CAMTA1: variants seen among roughly 807,000 people sequenced by gnomAD.
The protein encoded by CAMTA1 is calmodulin binding transcription activator 1.
A neutral mutation model predicts 170.9 loss-of-function variants in CAMTA1; 27 were observed. That is an observed-to-expected ratio of 0.16 (90% CI 0.12 to 0.22). The LOEUF (loss-of-function observed/expected upper bound fraction) is 0.22, where lower values mean the gene tolerates loss of function less well. Among genes scored for constraint, CAMTA1 ranks in the 10% least tolerant of loss-of-function variants. The pLI is 1.00. For synonymous variants in CAMTA1, 833 were observed against 891.5 expected (o/e 0.93, Z 1.17); for missense variants, 1,619 against 2,217.2 (o/e 0.73, Z 5.42).
intron 3 of CAMTA1, among the ~76,000 whole-genome samples, chr1:6,997,261 T>C (rs180801474): frequency 1.3e-5 from 2 of 151,630 alleles, no homozygotes; most frequent in African/African-American, 4.8e-5. Flanking sequence ...GTTTTTTGCT[T>C]TGTGTGTGTG....
intron 5 of CAMTA1, among the ~76,000 whole-genome samples, chr1:7,308,710 C>A (rs1675983730): frequency 1.3e-5 from 2 of 152,024 alleles, no homozygotes; most frequent in Admixed American, 6.6e-5. Flanking sequence ...GATTTCAATT[C>A]TTTTAGTTAT....
intron 3 of CAMTA1, among the ~76,000 whole-genome samples, chr1:6,880,407 T>TTTTTA (rs1671227843): frequency 3.1e-5 from 4 of 127,820 alleles, no homozygotes; most frequent in African/African-American, 6.0e-5. Context: ...TTTTTTTTTT[T>TTTTTA]GAGACAGGGT....
At position 7,262,297 on chromosome 1, in the gene CAMTA1, C is replaced by G. The variant is rs553783317; in HGVS notation, c.438+12671C>G. On this transcript the variant is annotated intron_variant, in intron 5 of 22. Coordinates refer to ENST00000303635, the MANE Select transcript of CAMTA1 (RefSeq NM_015215.4). ...CTTAAATGGGCCGGGCGCGGTGGCT[C>G]ACGTCTGTAATCCCAGCACTTTGGG... Among the ~76,000 whole-genome samples the G allele has an allele frequency of 2.0e-5, 3 of 152,208 alleles. No homozygotes were observed. The East Asian group carries it at 5.8e-4, about 29-fold the overall frequency.
chr1:7,058,578 A>T (rs1322569939), intron 3 of CAMTA1, among the ~76,000 whole-genome samples: 1 of 152,094 alleles, frequency 6.6e-6, no homozygotes, highest in Non-Finnish European at 1.5e-5. Context: ...TGAACAAGTG[A>T]TGTTTAATGA....
chr1:7,678,583 G>A (rs570715859), intron 11 of CAMTA1, among the ~76,000 whole-genome samples: 1 of 152,314 alleles, frequency 6.6e-6, no homozygotes, highest in South Asian at 2.1e-4. Flanking sequence ...TTTCCCACCT[G>A]GGCACACGTC....
intron 3 of CAMTA1, chr1:6,874,494 C>G (rs1669283639): frequency 6.6e-6 from 1 of 152,262 alleles, no homozygotes; most frequent in Non-Finnish European, 1.5e-5. Context: ...GGCTGATCCT[C>G]ACACCCAGAA....
At chr1:7,310,610 T>C in intron 5 of CAMTA1, among the ~76,000 whole-genome samples, 1 of 2,802 alleles carries the variant, frequency 3.6e-4, no homozygotes, top group Admixed American at 5.1e-3. Flanking sequence ...TTTTCTTTCT[T>C]TCTTTCTTTC....
At chr1:7,197,822 G>A (rs752314219) in intron 4 of CAMTA1, among the ~76,000 whole-genome samples, 1 of 152,034 alleles carries the variant, frequency 6.6e-6, no homozygotes, top group Non-Finnish European at 1.5e-5. Context: ...TTGCAGAGTG[G>A]TCTTCAAATC....
At position 7,661,669 on chromosome 1, in the gene CAMTA1, C is replaced by T; in HGVS notation, c.665-57C>T. On this transcript the variant is annotated intron_variant, in intron 7 of 22. Coordinates refer to ENST00000303635, the MANE Select transcript of CAMTA1 (RefSeq NM_015215.4). ...GCCTGGGTCCTACCCCTTGGCCCCACCCAGGTCCCCTCTGCACCCACGGGC... is the reference window on the plus strand; with the variant it reads ...GCCTGGGTCCTACCCCTTGGCCCCATCCAGGTCCCCTCTGCACCCACGGGC... 3.1e-6 allele frequency: 5 copies of T among 1,603,678 alleles called. No individual in the cohort carries two copies. In the Admixed American group the frequency reaches 8.4e-5, roughly 27 times the overall value.
At chr1:6,852,181 T>A (rs936329891) in intron 3 of CAMTA1, among the ~76,000 whole-genome samples, 1 of 152,198 alleles carries the variant, frequency 6.6e-6, no homozygotes, top group Non-Finnish European at 1.5e-5. Context: ...ACTAGAATGT[T>A]ATACCCTTCA....
chr1:7,519,466 C>A lies in CAMTA1; in HGVS notation c.510+51565C>A, dbSNP rs562297715. ...AGCCCAGGATCCCTTTGGAGGCATTCAAGGAGCCTTGGAGATGCAGGCAGG... is the reference window on the plus strand; with the variant it reads ...AGCCCAGGATCCCTTTGGAGGCATTAAAGGAGCCTTGGAGATGCAGGCAGG... On this transcript the variant is annotated intron_variant, in intron 6 of 22. Transcript: ENST00000303635. Among the ~76,000 whole-genome samples, 30 of 152,060 alleles carry A rather than the reference C, an allele frequency of 2.0e-4. No homozygotes were observed. The East Asian group carries it at 5.8e-3, about 29-fold the overall frequency.
At chr1:6,853,790 G>T (rs1024194035) in intron 3 of CAMTA1, among the ~76,000 whole-genome samples, 6 of 151,976 alleles carry the variant, frequency 3.9e-5, no homozygotes, top group Non-Finnish European at 8.8e-5. Flanking sequence ...TGGGCTTTAG[G>T]GTAGAAATAA....
At chr1:7,125,250 A>T (rs746772632) in intron 4 of CAMTA1, among the ~76,000 whole-genome samples, 15 of 152,126 alleles carry the variant, frequency 9.9e-5, no homozygotes, top group Non-Finnish European at 1.9e-4. Context: ...AGCCTGGGGG[A>T]CACTAGAAGT....
chr1:7,209,762 A>G (rs1159884824), intron 4 of CAMTA1, among the ~76,000 whole-genome samples: 1 of 152,206 alleles, frequency 6.6e-6, no homozygotes, highest in African/African-American at 2.4e-5. Context: ...GAACCTCCCC[A>G]TTTTGGACCA....
At chr1:6,922,779 A>G (rs181568058) in intron 3 of CAMTA1, among the ~76,000 whole-genome samples, 1 of 152,302 alleles carries the variant, frequency 6.6e-6, no homozygotes, top group Non-Finnish European at 1.5e-5. Flanking sequence ...GAGGATTTGC[A>G]GACATGTTTT....
Position 7,410,723 on chromosome 1 carries a change from C to T in CAMTA1, c.439-57107C>T, listed in dbSNP as rs193036307. Among the ~76,000 whole-genome samples, 219 of 152,246 alleles carry T rather than the reference C, an allele frequency of 1.4e-3. 1 individual carries two copies. Among genetic ancestry groups the T allele is most frequent in the African/African-American group, 4.9e-3 (203 of 41,546 alleles). On this transcript the variant is annotated intron_variant, in intron 5 of 22. Transcript: ENST00000303635. ...GATGACGTCCCCACAGCCCATGTAG[C>T]GGGGCTGGAAATACGGAGCCCTGAA...
chr1:7,429,431 C>A (rs1408328393), intron 5 of CAMTA1, among the ~76,000 whole-genome samples: 1 of 151,560 alleles, frequency 6.6e-6, no homozygotes, highest in Non-Finnish European at 1.5e-5. Flanking sequence ...ATGATTATAT[C>A]AATGATGGTG....
At chr1:7,245,503 G>T (rs1313861615) in intron 4 of CAMTA1, among the ~76,000 whole-genome samples, 1 of 151,776 alleles carries the variant, frequency 6.6e-6, no homozygotes, top group Non-Finnish European at 1.5e-5. Flanking sequence ...TAAAATATAA[G>T]CTAACTTTAT....
At chr1:7,451,952 G>A (rs1332416679) in intron 5 of CAMTA1, among the ~76,000 whole-genome samples, 3 of 152,198 alleles carry the variant, frequency 2.0e-5, no homozygotes, top group African/African-American at 7.2e-5. Context: ...TGGGCAGGTG[G>A]GCCCCTTAGA....
Sources: gnomAD v4.1 joint callset for allele counts (sites outside exome capture counted in the v4.1 genomes callset) on GRCh38, gnomAD v4.1.1 for gene constraint, MANE v1.5 for transcripts, NCBI Gene and HGNC (gene_info 2026-07-23, HGNC 2026-07-21) for gene names.